DISC1: variants seen among roughly 807,000 people sequenced by gnomAD.
The protein encoded by DISC1 is DISC1 scaffold protein.
In DISC1, 57 loss-of-function variants were observed where a neutral mutation model predicts 84.5. That is an observed-to-expected ratio of 0.67 (90% CI 0.55 to 0.84). The LOEUF is 0.84. Ranked by LOEUF, DISC1 falls within the 40% of genes least tolerant of loss-of-function variation. The pLI is 0.00. For synonymous variants in DISC1, 411 were observed against 415.2 expected (o/e 0.99, Z 0.12); for missense variants, 1,000 against 1,057.8 (o/e 0.95, Z 0.76).
chr1:231,879,666 T>A (rs1384905553), intron 9 of DISC1, among the ~76,000 whole-genome samples: 1 of 150,698 alleles, frequency 6.6e-6, no homozygotes, highest in Non-Finnish European at 1.5e-5. Context: ...TCAGGGAATG[T>A]TTTGGGTGGG....
At chr1:231,917,576 C>T (rs1411156255) in intron 9 of DISC1, among the ~76,000 whole-genome samples, 1 of 152,212 alleles carries the variant, frequency 6.6e-6, no homozygotes, top group East Asian at 1.9e-4. Context: ...TCCAAGGCTA[C>T]ATAGAACGAG....
At chr1:231,812,824 A>T (rs951216518) in intron 8 of DISC1, among the ~76,000 whole-genome samples, 29 of 152,212 alleles carry the variant, frequency 1.9e-4, no homozygotes, top group Admixed American at 1.5e-3. Flanking sequence ...CAGCAGTCAG[A>T]GAGGTCTGCA....
chr1:231,851,356 A>G (rs2083884190), intron 9 of DISC1, among the ~76,000 whole-genome samples: 2 of 152,208 alleles, frequency 1.3e-5, no homozygotes, highest in Non-Finnish European at 2.9e-5. Context: ...ACCTGAATGT[A>G]CAGATGATTA....
chr1:232,019,951 T>C (rs114155420), intron 11 of DISC1, among the ~76,000 whole-genome samples: 59 of 152,276 alleles, frequency 3.9e-4, no homozygotes, highest in Non-Finnish European at 8.2e-4. Context: ...ATTGAGACTT[T>C]GCAGAGTTCT....
intron 3 of DISC1, chr1:231,722,609 T>C (rs143631656): frequency 6.2e-7 from 1 of 1,614,046 alleles, no homozygotes; most frequent in African/African-American, 1.3e-5. Context: ...TAATGAAACT[T>C]CCCAAATTTA....
chr1:231,816,631 A>G (rs1299158883), intron 8 of DISC1, among the ~76,000 whole-genome samples: 2 of 152,104 alleles, frequency 1.3e-5, no homozygotes, highest in Non-Finnish European at 2.9e-5. Context: ...TTCCATGTAG[A>G]TAGCTAGTTG....
chr1:231,742,733 C>T (rs1054477717), intron 3 of DISC1, among the ~76,000 whole-genome samples: 1 of 151,900 alleles, frequency 6.6e-6, no homozygotes, highest in Non-Finnish European at 1.5e-5. Flanking sequence ...CATAACAGGG[C>T]TCCTTAGCTA....
At chr1:231,855,209 T>A in intron 9 of DISC1, 1 of 1,007,794 alleles carries the variant, frequency 9.9e-7, no homozygotes, top group Non-Finnish European at 1.2e-6. Context: ...TACACCTTAT[T>A]CTAAGTGTCT....
At chr1:231,738,824 A>G (rs1273333810) in intron 3 of DISC1, among the ~76,000 whole-genome samples, 1 of 152,102 alleles carries the variant, frequency 6.6e-6, no homozygotes, top group African/African-American at 2.4e-5. Flanking sequence ...CTTTATTACT[A>G]TTATTTTGAT....
chr1:231,693,360 G>A (rs549703590), intron 1 of DISC1, among the ~76,000 whole-genome samples: 1 of 152,334 alleles, frequency 6.6e-6, no homozygotes, highest in African/African-American at 2.4e-5. Context: ...GGATAGCTCC[G>A]CTAGTGAACA....
chr1:231,973,369 A>G (rs1252195989), intron 10 of DISC1, among the ~76,000 whole-genome samples: 1 of 152,188 alleles, frequency 6.6e-6, no homozygotes, highest in Non-Finnish European at 1.5e-5. Flanking sequence ...TCTTTAAAGG[A>G]AGAATAAATA....
intron 9 of DISC1, among the ~76,000 whole-genome samples, chr1:231,837,588 AT>A (rs34515060): frequency 0.59 from 89,708 of 151,944 alleles, 26,853 homozygotes; most frequent in Middle Eastern, 0.65. Context: ...TGATCTATAT[AT>A]TTTTTTTCTG....
At chr1:231,669,642 TGA>T (rs982861493) in intron 1 of DISC1, among the ~76,000 whole-genome samples, 1 of 152,076 alleles carries the variant, frequency 6.6e-6, no homozygotes, top group African/African-American at 2.4e-5. Context: ...TCACTGATCA[TGA>T]GAGAGGTGTA....
At chr1:231,779,942 T>G (rs1005768104) in intron 6 of DISC1, among the ~76,000 whole-genome samples, 1 of 152,114 alleles carries the variant, frequency 6.6e-6, no homozygotes, top group Non-Finnish European at 1.5e-5. Context: ...GAGGCTATGC[T>G]TCCCAGCCTG....
At chr1:231,843,109 G>T (rs367643919) in intron 9 of DISC1, among the ~76,000 whole-genome samples, 2 of 152,118 alleles carry the variant, frequency 1.3e-5, no homozygotes, top group Admixed American at 6.5e-5. Context: ...GTGTATGATG[G>T]GGGGGTATGA....
intron 10 of DISC1, among the ~76,000 whole-genome samples, chr1:231,987,058 G>A (rs942994612): frequency 2.0e-5 from 3 of 152,170 alleles, no homozygotes; most frequent in Admixed American, 1.3e-4. Context: ...GAGAAAGGGC[G>A]GTTGTGCAAT....
At chr1:231,793,887 A>G (rs752941097) in intron 6 of DISC1, among the ~76,000 whole-genome samples, 3 of 152,222 alleles carry the variant, frequency 2.0e-5, no homozygotes, top group Non-Finnish European at 4.4e-5. Context: ...GGATTAAACA[A>G]ATAGTAGAAT....
intron 6 of DISC1, among the ~76,000 whole-genome samples, chr1:231,795,000 C>T (rs2078646704): frequency 6.6e-6 from 1 of 152,148 alleles, no homozygotes; most frequent in African/African-American, 2.4e-5. Flanking sequence ...AGTAGATGTA[C>T]ACTCTGGGCA....
intron 9 of DISC1, among the ~76,000 whole-genome samples, chr1:231,835,931 A>T (rs1293591144): frequency 6.6e-6 from 1 of 152,220 alleles, no homozygotes; most frequent in East Asian, 1.9e-4. Flanking sequence ...GAGTAAAAAC[A>T]TTCTATTTCC....
Sources: allele counts gnomAD v4.1 joint callset (sites outside exome capture counted in the v4.1 genomes callset), GRCh38; gene constraint gnomAD v4.1.1; transcripts MANE v1.5; gene names NCBI Gene and HGNC (gene_info 2026-07-23, HGNC 2026-07-21).